The following NMNAT1 variants were observed in gnomAD, a reference collection of about 807,000 sequenced individuals.
NMNAT1 encodes nicotinamide nucleotide adenylyltransferase 1.
NMNAT1 carries 11 observed loss-of-function variants against 16.7 expected under a neutral mutation model. That is an observed-to-expected ratio of 0.66 (90% CI 0.41 to 1.09). The LOEUF (loss-of-function observed/expected upper bound fraction) is 1.09. NMNAT1 is among the 50% of genes least tolerant of loss of function. The probability of loss-of-function intolerance (pLI) is 0.00; values close to 1 mark genes in which losing one functional copy is unlikely to be tolerated. For missense variants in NMNAT1, 280 were observed against 332.3 expected (o/e 0.84, Z 1.22); for synonymous variants, 110 against 119.8 (o/e 0.92, Z 0.53).
intron 1 of NMNAT1, among the ~76,000 whole-genome samples, chr1:9,955,069 G>A (rs189365191): frequency 4.6e-5 from 7 of 152,208 alleles, no homozygotes; most frequent in African/African-American, 1.7e-4. Context: ...TGGATCACCT[G>A]AGGTCAGGAC....
chr1:9,961,296 C>T (rs1641401045), intron 1 of NMNAT1, among the ~76,000 whole-genome samples: 1 of 152,104 alleles, frequency 6.6e-6, no homozygotes, highest in East Asian at 1.9e-4. Context: ...GGACCCACAC[C>T]TCTCGAACTC....
intron 4 of NMNAT1, chr1:9,981,426 G>A (rs1263290728): frequency 1.7e-5 from 6 of 357,900 alleles, no homozygotes; most frequent in African/African-American, 4.3e-5. Context: ...TAGTAGAGAC[G>A]GGGTTGCACC....
At chr1:9,947,482 AGAG>A (rs1420378602) in intron 1 of NMNAT1, 2 of 152,274 alleles carry the variant, frequency 1.3e-5, no homozygotes, top group Non-Finnish European at 2.9e-5. Flanking sequence ...CATCCCCAAT[AGAG>A]GAGGACTAAT....
intron 1 of NMNAT1, among the ~76,000 whole-genome samples, chr1:9,968,891 G>T (rs1393172834): frequency 6.8e-6 from 1 of 146,914 alleles, no homozygotes; most frequent in African/African-American, 2.5e-5. Flanking sequence ...AGTGAGCTGA[G>T]ATCGTACCAC....
intron 1 of NMNAT1, chr1:9,967,249 A>T (rs980778149): frequency 6.5e-6 from 1 of 152,676 alleles, no homozygotes; most frequent in Admixed American, 6.6e-5. Flanking sequence ...AAAAAAAATT[A>T]TTTGAAATTA....
downstream of NMNAT1, among the ~76,000 whole-genome samples, chr1:9,989,149 C>T (rs574478033): frequency 1.3e-5 from 2 of 152,054 alleles, no homozygotes; most frequent in East Asian, 3.9e-4. Flanking sequence ...CATGGCCCAC[C>T]CCCCATCCTG....
chr1:9,994,564 G>A, the NMNAT1 span, among the ~76,000 whole-genome samples: 1 of 151,832 alleles, frequency 6.6e-6, no homozygotes, highest in Admixed American at 6.6e-5. Flanking sequence ...CCACGTAGCT[G>A]GGATTACAGG....
intron 2 of NMNAT1, 141 bp downstream of exon 2, chr1:9,972,329 T>C: frequency 1.7e-6 from 1 of 600,342 alleles, no homozygotes; most frequent in South Asian, 1.9e-5. Flanking sequence ...GCCAACATGG[T>C]AAAACCCTGT....
At chr1:9,977,622 T>C (rs962019102) in intron 3 of NMNAT1, among the ~76,000 whole-genome samples, 3 of 152,100 alleles carry the variant, frequency 2.0e-5, no homozygotes, top group African/African-American at 7.2e-5. Flanking sequence ...ATCCCAGCAC[T>C]TTGGGAGGCT....
At chr1:9,950,311 G>A (rs983999114) in intron 1 of NMNAT1, among the ~76,000 whole-genome samples, 2 of 152,028 alleles carry the variant, frequency 1.3e-5, no homozygotes, top group Non-Finnish European at 2.9e-5. Context: ...GGCTGATCTC[G>A]AACTCCTGAC....
intron 2 of NMNAT1, chr1:9,972,396 TGAGGCA>T: frequency 2.7e-6 from 1 of 375,578 alleles, no homozygotes; most frequent in Admixed American, 4.3e-5. Context: ...CTCGGGAGGC[TGAGGCA>T]GTAGAATCGC....
intron 1 of NMNAT1, among the ~76,000 whole-genome samples, chr1:9,962,102 T>C (rs1641424954): frequency 6.6e-6 from 1 of 152,002 alleles, no homozygotes; most frequent in Non-Finnish European, 1.5e-5. Context: ...TTCCACTGAC[T>C]ATTTGTGGCT....
At chr1:9,970,476 C>A (rs1641662667) in intron 1 of NMNAT1, among the ~76,000 whole-genome samples, 2 of 152,002 alleles carry the variant, frequency 1.3e-5, no homozygotes, top group African/African-American at 2.4e-5. Flanking sequence ...AGGCGGATCA[C>A]AAGGTCAGGA....
chr1:9,952,536 T>G (rs1399315286), intron 1 of NMNAT1: 2 of 151,926 alleles, frequency 1.3e-5, no homozygotes, highest in African/African-American at 2.4e-5. Context: ...ATATTCTTTG[T>G]TTTTTTGTTT....
chr1:9,961,754 C>T (rs943461766), intron 1 of NMNAT1, among the ~76,000 whole-genome samples: 8 of 152,220 alleles, frequency 5.3e-5, no homozygotes, highest in African/African-American at 1.9e-4. Flanking sequence ...ACTGTGCCTT[C>T]TTTCGAGAAG....
At chr1:9,988,377 T>C (rs933995832), downstream of NMNAT1, among the ~76,000 whole-genome samples, 3 of 152,066 alleles carry the variant, frequency 2.0e-5, no homozygotes, top group Non-Finnish European at 2.9e-5. Flanking sequence ...CTCAAATGGA[T>C]AAATAATCAT....
the NMNAT1 span, among the ~76,000 whole-genome samples, chr1:9,994,415 A>G: frequency 5.3e-5 from 8 of 150,160 alleles, no homozygotes; most frequent in Non-Finnish European, 1.2e-4. Flanking sequence ...CCCCAGCCAA[A>G]TGTTAGCTTT....
chr1:9,982,169 C>A, intron 4 of NMNAT1, 132 bp from the exon 5 acceptor site: 1 of 1,254,384 alleles, frequency 8.0e-7, no homozygotes. Flanking sequence ...GGCCTAAGCC[C>A]TCATCCTTGA....
chr1:9,943,759 G>C (rs1243801089), intron 1 of NMNAT1, among the ~76,000 whole-genome samples: 1 of 152,204 alleles, frequency 6.6e-6, no homozygotes, highest in African/African-American at 2.4e-5. Context: ...TCTCTTTCTA[G>C]AAGAGTCTTG....
Sources: gnomAD v4.1 joint callset for allele counts (sites outside exome capture counted in the v4.1 genomes callset) on GRCh38, gnomAD v4.1.1 for gene constraint, MANE v1.5 for transcripts, NCBI Gene and HGNC (gene_info 2026-07-23, HGNC 2026-07-21) for gene names.